DAB1: variants seen among roughly 807,000 people sequenced by gnomAD.
DAB1 encodes the protein disabled homolog 1.
Under a neutral mutation model 64.6 loss-of-function variants are expected in DAB1, and 15 were observed. The ratio of observed to expected loss-of-function variants is 0.23; its 90% confidence interval spans 0.16 to 0.36. The LOEUF is 0.36. Ranked by LOEUF, DAB1 falls within the 10% of genes least tolerant of loss-of-function variation. The pLI is 1.00. For synonymous variants in DAB1, 235 were observed against 251.9 expected (o/e 0.93, Z 0.64); for missense variants, 596 against 706.7 (o/e 0.84, Z 1.78).
At chr1:57,023,790 C>T in intron 10 of DAB1, 151 bp from the exon 11 acceptor site, 1 of 618,976 alleles carries the variant, frequency 1.6e-6, no homozygotes, top group Non-Finnish European at 3.0e-6. Flanking sequence ...TGGTTACATA[C>T]ACTTTATCTA....
chr1:58,068,498 G>T lies in DAB1; in HGVS notation n.387+82013C>A, dbSNP rs74316451. Among the ~76,000 whole-genome samples the T allele has an allele frequency of 9.8e-3, 1,495 of 152,180 alleles. 19 individuals are homozygous for T. The highest frequency in any genetic ancestry group is 0.035 in the African/African-American group (1,434 of 41,518). ...GCACCATGATCGCCTGGGCATGGTG[G>T]CTCACGCCTGTAATCCCAGCACTTT... On this transcript the variant is annotated intron_variant and non_coding_transcript_variant, in intron 5 of 20. Coordinates refer to the DAB1 transcript ENST00000485760.
intron 2 of DAB1, among the ~76,000 whole-genome samples, chr1:58,507,145 A>C (rs967231483): frequency 2.0e-5 from 3 of 152,014 alleles, no homozygotes; most frequent in African/African-American, 7.2e-5. Flanking sequence ...AATCCTCCAT[A>C]AGGTGGATTA....
chr1:57,941,651 A>G (rs1029367755), intron 5 of DAB1, among the ~76,000 whole-genome samples: 2 of 152,294 alleles, frequency 1.3e-5, no homozygotes, highest in Middle Eastern at 3.4e-3. Flanking sequence ...CCTGGCTAAC[A>G]TGGTGAAACC....
intron 2 of DAB1, among the ~76,000 whole-genome samples, chr1:57,166,562 T>C (rs1661227112): frequency 6.6e-6 from 1 of 152,090 alleles, no homozygotes; most frequent in Non-Finnish European, 1.5e-5. Flanking sequence ...GGCAGTATCA[T>C]AGGGGTTTGG....
At chr1:57,541,050 C>T (rs993092175) in intron 7 of DAB1, among the ~76,000 whole-genome samples, 1 of 152,112 alleles carries the variant, frequency 6.6e-6, no homozygotes, top group Non-Finnish European at 1.5e-5. Flanking sequence ...TTGATCATGA[C>T]ACGTTCTATG....
chr1:57,455,287 T>G (rs1003676297), intron 7 of DAB1, among the ~76,000 whole-genome samples: 2 of 152,158 alleles, frequency 1.3e-5, no homozygotes, highest in Non-Finnish European at 2.9e-5. Flanking sequence ...ATAGATCAGG[T>G]GCTGTGCTTG....
intron 4 of DAB1, among the ~76,000 whole-genome samples, chr1:58,199,267 AT>A (rs1205878880): frequency 1.3e-5 from 2 of 152,210 alleles, no homozygotes; most frequent in African/African-American, 2.4e-5. Flanking sequence ...CTATTTAGTT[AT>A]GTGAACTCTC....
intron 1 of DAB1, among the ~76,000 whole-genome samples, chr1:57,393,441 G>A (rs1300816370): frequency 1.3e-5 from 2 of 152,018 alleles, no homozygotes; most frequent in Non-Finnish European, 2.9e-5. Flanking sequence ...GCCTGTAATC[G>A]TAGCACTTTG....
intron 7 of DAB1, among the ~76,000 whole-genome samples, chr1:57,564,895 C>A (rs1645098828): frequency 6.6e-6 from 1 of 152,078 alleles, no homozygotes; most frequent in South Asian, 2.1e-4. Flanking sequence ...CAAGGCAGGC[C>A]AACATTCACA....
chr1:57,999,365 C>T (rs1016002797), intron 5 of DAB1, among the ~76,000 whole-genome samples: 1 of 152,150 alleles, frequency 6.6e-6, no homozygotes, highest in African/African-American at 2.4e-5. Flanking sequence ...ATTCTCAGGT[C>T]CCCATTCCAA....
At chr1:57,241,166 A>G (rs7552582) in intron 2 of DAB1, among the ~76,000 whole-genome samples, 4,086 of 152,288 alleles carry the variant, frequency 0.027, 97 homozygotes, top group Non-Finnish European at 0.04. Flanking sequence ...TGCTCAATAA[A>G]TAAATATGTA....
At chr1:57,472,802 A>G (rs1398751333) in intron 7 of DAB1, among the ~76,000 whole-genome samples, 1 of 152,180 alleles carries the variant, frequency 6.6e-6, no homozygotes, top group East Asian at 1.9e-4. Flanking sequence ...TTTTGTCTGC[A>G]GCTCGTCCTG....
Position 57,063,815 on chromosome 1 carries a change from G to T in DAB1, c.664-872C>A, listed in dbSNP as rs535884833. 2.0e-5 allele frequency among the ~76,000 whole-genome samples: 3 copies of T among 152,210 alleles called. No homozygotes were observed. The South Asian group carries it at 6.2e-4, about 32-fold the overall frequency. Reference sequence around the variant, plus strand: ...TTATGATACTAACGATAGTGGATATGTTGACTACTTTTCAAATGAGTCAAC... The same window carrying T: ...TTATGATACTAACGATAGTGGATATTTTGACTACTTTTCAAATGAGTCAAC... On this transcript the variant is annotated intron_variant, in intron 8 of 14. Coordinates refer to ENST00000371236, the MANE Select transcript of DAB1 (RefSeq NM_001365792.1).
In DAB1 at chr1:58,227,629, G is replaced by C. The variant is rs922990622; in HGVS notation, n.310-77041C>G. Among the ~76,000 whole-genome samples, 4 of 152,226 alleles carry C rather than the reference G, an allele frequency of 2.6e-5. No homozygotes were observed. In the East Asian group the frequency reaches 7.7e-4, roughly 29 times the overall value. The stretch of plus-strand genomic sequence containing the variant: ...ACAATAAGAAAGTCACGAAAGTTAG[G>C]GGAGAGACAATAGACCAAGAAGGAA... On this transcript the variant is annotated intron_variant and non_coding_transcript_variant, in intron 4 of 20. Transcript: ENST00000485760.
chr1:57,331,548 C>T (rs566210038), intron 1 of DAB1, among the ~76,000 whole-genome samples: 3 of 152,238 alleles, frequency 2.0e-5, no homozygotes, highest in African/African-American at 7.2e-5. Context: ...CACTCAACAT[C>T]TCTCCTGACA....
At chr1:58,222,589 T>C (rs1395826108) in intron 4 of DAB1, among the ~76,000 whole-genome samples, 2 of 152,224 alleles carry the variant, frequency 1.3e-5, no homozygotes, top group African/African-American at 4.8e-5. Context: ...CTCCTAACCT[T>C]TTCCCCATCT....
intron 14 of DAB1, among the ~76,000 whole-genome samples, 174 bp downstream of exon 14, chr1:57,010,506 T>C (rs959543980): frequency 1.3e-5 from 2 of 152,004 alleles, no homozygotes; most frequent in African/African-American, 4.8e-5. Context: ...GAAGAAATAG[T>C]GCAAACATCA....
At chr1:58,292,930 C>T (rs924044770) in intron 4 of DAB1, among the ~76,000 whole-genome samples, 11 of 152,084 alleles carry the variant, frequency 7.2e-5, no homozygotes, top group Admixed American at 2.0e-4. Flanking sequence ...CTGCCTTCAC[C>T]GAGATCACAT....
At chr1:57,218,471 G>T (rs907874727) in intron 2 of DAB1, among the ~76,000 whole-genome samples, 1 of 141,364 alleles carries the variant, frequency 7.1e-6, no homozygotes, top group Non-Finnish European at 1.5e-5. Flanking sequence ...CTTGGGCTCA[G>T]GAGTTTGAGG....
Sources: gnomAD v4.1 joint callset for allele counts (sites outside exome capture counted in the v4.1 genomes callset) on GRCh38, gnomAD v4.1.1 for gene constraint, MANE v1.5 for transcripts, NCBI Gene and HGNC (gene_info 2026-07-23, HGNC 2026-07-21) for gene names.